ZNF560: variants seen among roughly 807,000 people sequenced by gnomAD.
ZNF560 encodes the protein zinc finger protein 560.
Under a neutral mutation model 81.8 loss-of-function variants are expected in ZNF560, and 54 were observed. The observed-to-expected ratio is 0.66, with a 90% confidence interval of 0.53 to 0.83. The LOEUF (loss-of-function observed/expected upper bound fraction) is 0.83. Ranked by LOEUF, ZNF560 falls within the 40% of genes least tolerant of loss-of-function variation. The probability of loss-of-function intolerance (pLI) is 0.00; values close to 1 mark genes in which losing one functional copy is unlikely to be tolerated. For missense variants in ZNF560, 940 were observed against 932.4 expected (o/e 1.01, Z -0.11); for synonymous variants, 321 against 317.9 (o/e 1.01, Z -0.10).
intron 2 of ZNF560, among the ~76,000 whole-genome samples, chr19:9,493,917 G>A (rs2073512005): frequency 6.6e-6 from 1 of 151,890 alleles, no homozygotes; most frequent in Admixed American, 6.6e-5. Context: ...CACATCACCT[G>A]AGGTCAGGAG....
At chr19:9,480,594 T>C (rs1599665450) in intron 2 of ZNF560, among the ~76,000 whole-genome samples, 1 of 149,876 alleles carries the variant, frequency 6.7e-6, no homozygotes, top group East Asian at 2.0e-4. Context: ...TAAAGGAAAC[T>C]AAAAGTTTTC....
At chr19:9,469,825 T>C in intron 7 of ZNF560, 115 bp from the exon 8 acceptor site, 2 of 782,582 alleles carry the variant, frequency 2.6e-6, no homozygotes, top group Non-Finnish European at 4.4e-6. Context: ...TTAAATTGCA[T>C]ATATCCCATC....
intron 2 of ZNF560, among the ~76,000 whole-genome samples, chr19:9,476,692 G>C (rs2073207905): frequency 6.6e-6 from 1 of 152,144 alleles, no homozygotes; most frequent in Admixed American, 6.6e-5. Context: ...GCCACCCTGT[G>C]AAGAGGTGCC....
chr19:9,487,858 A>T (rs1013950736), intron 2 of ZNF560, among the ~76,000 whole-genome samples: 4 of 152,328 alleles, frequency 2.6e-5, no homozygotes, highest in Admixed American at 2.0e-4. Context: ...TGAATTTTTT[A>T]AAATGTACAA....
intron 4 of ZNF560, 98 bp downstream of exon 4, chr19:9,474,101 T>C: frequency 7.3e-7 from 1 of 1,374,204 alleles, no homozygotes. Flanking sequence ...ACAACGTCTC[T>C]GGTGAATTCA....
At chr19:9,480,004 G>C (rs895531213) in intron 2 of ZNF560, among the ~76,000 whole-genome samples, 2 of 152,148 alleles carry the variant, frequency 1.3e-5, no homozygotes, top group African/African-American at 4.8e-5. Flanking sequence ...TGAAGACAGA[G>C]ATAGATTGCA....
At chr19:9,453,424 C>CTAGCAACA in the ZNF560 span, among the ~76,000 whole-genome samples, 79,570 of 151,442 alleles carry the variant, frequency 0.53, 21,178 homozygotes, top group Middle Eastern at 0.55. Context: ...TAAGTAAATT[C>CTAGCAACA]TAGCAACATT....
chr19:9,465,169 T>C (rs1204376907), downstream of ZNF560, among the ~76,000 whole-genome samples: 1 of 145,904 alleles, frequency 6.9e-6, no homozygotes, highest in African/African-American at 2.6e-5. Flanking sequence ...TCTCGCTCAG[T>C]CGCCAGGCTG....
chr19:9,449,226 A>G, the ZNF560 span, among the ~76,000 whole-genome samples: 9 of 152,222 alleles, frequency 5.9e-5, no homozygotes, highest in Admixed American at 2.0e-4. Flanking sequence ...AGAACACTCA[A>G]AGACCACATT....
chr19:9,462,202 T>C (rs954523004), downstream of ZNF560, among the ~76,000 whole-genome samples: 2 of 152,184 alleles, frequency 1.3e-5, no homozygotes, highest in South Asian at 2.1e-4. Context: ...TGTGACATGC[T>C]CGTGATGGTT....
Position 9,467,477 on chromosome 19 carries a change from ACAAT to A in ZNF560, c.1466_1469del (p.Asp489ValfsTer18), listed in dbSNP as rs780201152. 4 of 1,614,194 alleles carry A rather than the reference ACAAT, an allele frequency of 2.5e-6. No homozygotes were observed. The highest frequency in any genetic ancestry group is 3.4e-6 in the Non-Finnish European group (4 of 1,180,032). On this transcript the variant is annotated frameshift_variant, in exon 10 of 10. Transcript: ENST00000301480. LOFTEE classifies it high-confidence loss of function. ...AAACAAAGACTTTCCCACACTGGTC[ACAAT>A]CAAAGCGTTTCTGTCCTGTGTTACT... is the stretch of plus-strand genomic sequence containing the variant.
At chr19:9,485,851 C>A (rs1300994851) in intron 2 of ZNF560, among the ~76,000 whole-genome samples, 4 of 152,124 alleles carry the variant, frequency 2.6e-5, no homozygotes, top group Non-Finnish European at 5.9e-5. Context: ...AGATTTGTAA[C>A]CTCAAATAAG....
intron 2 of ZNF560, among the ~76,000 whole-genome samples, chr19:9,491,935 T>C (rs571725639): frequency 9.2e-4 from 128 of 139,740 alleles, no homozygotes; most frequent in African/African-American, 3.5e-3. Flanking sequence ...CCTAATCTGC[T>C]AAAAGCAAAA....
chr19:9,471,187 C>A, intron 6 of ZNF560, 109 bp downstream of exon 6: 1 of 756,530 alleles, frequency 1.3e-6, no homozygotes, highest in South Asian at 2.4e-5. Flanking sequence ...ATTGCTCCCT[C>A]TTGAGTGAAT....
chr19:9,490,104 A>T (rs2073447901), intron 2 of ZNF560, among the ~76,000 whole-genome samples: 1 of 152,182 alleles, frequency 6.6e-6, no homozygotes, highest in African/African-American at 2.4e-5. Context: ...GACACACAGG[A>T]AGGTTGCACT....
intron 4 of ZNF560, among the ~76,000 whole-genome samples, chr19:9,473,698 CT>C (rs2144694981): frequency 6.6e-6 from 1 of 150,746 alleles, no homozygotes; most frequent in East Asian, 1.9e-4. Flanking sequence ...GAAAATATCT[CT>C]TATTTCTGTG....
intron 2 of ZNF560, among the ~76,000 whole-genome samples, chr19:9,484,947 A>G (rs2073361995): frequency 1.3e-5 from 2 of 152,212 alleles, no homozygotes; most frequent in African/African-American, 4.8e-5. Context: ...GGATCATAAA[A>G]GACTACTTGG....
chr19:9,479,849 C>T (rs1022904629), intron 2 of ZNF560, among the ~76,000 whole-genome samples: 1 of 151,762 alleles, frequency 6.6e-6, no homozygotes, highest in African/African-American at 2.4e-5. Flanking sequence ...CTTGAACATG[C>T]CTAAATTTTG....
At chr19:9,504,795 A>T in the ZNF560 span, among the ~76,000 whole-genome samples, 13 of 152,088 alleles carry the variant, frequency 8.5e-5, no homozygotes, top group South Asian at 1.5e-3. Context: ...TTTTTAAGAG[A>T]CAGAGTCTCG....
Sources: allele counts gnomAD v4.1 joint callset (sites outside exome capture counted in the v4.1 genomes callset), GRCh38; gene constraint gnomAD v4.1.1; transcripts MANE v1.5; gene names NCBI Gene and HGNC (gene_info 2026-07-23, HGNC 2026-07-21).